STK32B: variants seen among roughly 807,000 people sequenced by gnomAD.
STK32B encodes the protein serine/threonine-protein kinase 32B.
STK32B carries 43 observed loss-of-function variants against 52.6 expected under a neutral mutation model. The observed-to-expected ratio is 0.82, with a 90% CI of 0.64 to 1.05. The LOEUF is 1.05. Ranked by LOEUF, STK32B falls within the 50% of genes least tolerant of loss-of-function variation. STK32B has a pLI of 0.00. For missense variants in STK32B, 621 were observed against 534.6 expected (o/e 1.16, Z -1.59); for synonymous variants, 238 against 204.3 (o/e 1.17, Z -1.41).
chr4:5,375,323 A>G (rs1309901968), intron 4 of STK32B, among the ~76,000 whole-genome samples: 1 of 152,136 alleles, frequency 6.6e-6, no homozygotes, highest in African/African-American at 2.4e-5. Flanking sequence ...ACACTGACCC[A>G]GGAACACACA....
In STK32B at chr4:5,446,650, TCTC is replaced by T. The variant is rs1560420493; in HGVS notation, c.563-20_563-18del. On this transcript the variant is annotated intron_variant, in intron 6 of 11. Coordinates refer to ENST00000282908, the MANE Select transcript of STK32B (RefSeq NM_018401.3). ...CATAAACTGGGATACACAATGATGT[TCTC>T]CTTGTCCTCTCGTTGGCAGCTCCAG... 1 of 1,600,564 alleles carries T rather than the reference TCTC, an allele frequency of 6.2e-7. No individual in the cohort carries two copies. Among genetic ancestry groups the T allele is most frequent in the African/African-American group, 1.3e-5 (1 of 74,554 alleles).
chr4:5,322,801 G>C (rs972728837), intron 3 of STK32B, among the ~76,000 whole-genome samples: 5 of 152,156 alleles, frequency 3.3e-5, no homozygotes, highest in African/African-American at 7.2e-5. Context: ...GGTAAGAGGA[G>C]GAGCTGAACC....
At chr4:5,352,825 C>T (rs1194347783) in intron 4 of STK32B, among the ~76,000 whole-genome samples, 3 of 151,950 alleles carry the variant, frequency 2.0e-5, no homozygotes, top group African/African-American at 7.3e-5. Flanking sequence ...GTTAAAATGA[C>T]CATACTACCC....
At chr4:5,406,546 A>T (rs984248957) in intron 5 of STK32B, among the ~76,000 whole-genome samples, 1 of 152,092 alleles carries the variant, frequency 6.6e-6, no homozygotes, top group Non-Finnish European at 1.5e-5. Flanking sequence ...AGACATTTCC[A>T]TACATTCTCT....
intron 1 of STK32B, among the ~76,000 whole-genome samples, chr4:5,091,584 A>T (rs1713083042): frequency 6.6e-6 from 1 of 152,212 alleles, no homozygotes; most frequent in South Asian, 2.1e-4. Context: ...ATTGGCGATA[A>T]TGTGGAAATA....
chr4:5,496,173 C>A (rs1006398018), intron 11 of STK32B, among the ~76,000 whole-genome samples: 1 of 152,200 alleles, frequency 6.6e-6, no homozygotes, highest in South Asian at 2.1e-4. Context: ...TGTGCCCTGC[C>A]CCCAGAGGTG....
intron 3 of STK32B, among the ~76,000 whole-genome samples, chr4:5,237,069 A>G (rs78308902): frequency 0.012 from 1,831 of 152,314 alleles, 38 homozygotes; most frequent in African/African-American, 0.042. Flanking sequence ...GAAGTGGGGC[A>G]CACGGAGAAA....
chr4:5,144,509 T>A (rs1307939613), intron 2 of STK32B, among the ~76,000 whole-genome samples: 1 of 152,138 alleles, frequency 6.6e-6, no homozygotes, highest in African/African-American at 2.4e-5. Context: ...ACAAATATGG[T>A]ACTGGGACAG....
intron 5 of STK32B, among the ~76,000 whole-genome samples, chr4:5,402,933 A>G (rs1391096214): frequency 6.6e-6 from 1 of 152,164 alleles, no homozygotes; most frequent in Non-Finnish European, 1.5e-5. Flanking sequence ...TTCCAGAGGT[A>G]CACACTCATT....
chr4:5,280,559 T>C (rs1020615766), intron 3 of STK32B, among the ~76,000 whole-genome samples: 2 of 152,126 alleles, frequency 1.3e-5, no homozygotes, highest in Admixed American at 1.3e-4. Flanking sequence ...CCCCACCTTT[T>C]TGGTACCAAT....
chr4:5,486,669 C>T lies in STK32B; in HGVS notation c.1107-12276C>T, dbSNP rs148325955. ...AAATGCAGAAATCACCTGTCTTCTG[C>T]GTCGCTCATGCTGGGAGCTGTAGAC... On this transcript the variant is annotated intron_variant, in intron 11 of 11. Transcript: ENST00000282908. Among the ~76,000 whole-genome samples the T allele has an allele frequency of 1.1e-4, 16 of 152,314 alleles. No individual in the cohort carries two copies. In the East Asian group the frequency reaches 1.5e-3, roughly 15 times the overall value.
intron 6 of STK32B, among the ~76,000 whole-genome samples, chr4:5,441,800 T>C (rs1714793875): frequency 7.0e-6 from 1 of 143,132 alleles, no homozygotes; most frequent in Non-Finnish European, 1.5e-5. Context: ...TCTGGTATGT[T>C]GTGTCTTTGT....
intron 3 of STK32B, among the ~76,000 whole-genome samples, chr4:5,241,859 G>A (rs147727144): frequency 6.6e-6 from 1 of 152,120 alleles, no homozygotes; most frequent in Admixed American, 6.5e-5. Flanking sequence ...AGTTTGCTGA[G>A]AATGACGGTT....
chr4:5,298,125 GC>G (rs1729322830), intron 3 of STK32B, among the ~76,000 whole-genome samples: 1 of 152,170 alleles, frequency 6.6e-6, no homozygotes, highest in Non-Finnish European at 1.5e-5. Context: ...CTGCAGAACA[GC>G]AAAGATTGCT....
In STK32B at chr4:5,248,354, T is replaced by C. The variant is rs554421029; in HGVS notation, c.260+79904T>C. Among the ~76,000 whole-genome samples the C allele has an allele frequency of 1.2e-3, 179 of 152,350 alleles. 3 individuals carry two copies. The highest frequency in any genetic ancestry group is 3.3e-3 in the South Asian group (16 of 4,832). ...CCCCAAGGATAGCTGTTTAGCTTTCTAGAGCTCATATGTTACAAAGAAAGG... is the reference window on the plus strand; with the variant it reads ...CCCCAAGGATAGCTGTTTAGCTTTCCAGAGCTCATATGTTACAAAGAAAGG... On this transcript the variant is annotated intron_variant, in intron 3 of 11. Transcript: ENST00000282908.
chr4:5,023,223 A>G, the STK32B span, among the ~76,000 whole-genome samples: 1 of 152,208 alleles, frequency 6.6e-6, no homozygotes, highest in East Asian at 1.9e-4. Flanking sequence ...TTGTAAGATC[A>G]TAAATTCGTG....
intron 3 of STK32B, among the ~76,000 whole-genome samples, chr4:5,296,611 C>T (rs1462344501): frequency 2.0e-5 from 3 of 152,094 alleles, no homozygotes; most frequent in Non-Finnish European, 2.9e-5. Flanking sequence ...TTTCCATTTG[C>T]TTGGTGAATA....
chr4:5,274,029 A>T (rs1013649017), intron 3 of STK32B, among the ~76,000 whole-genome samples: 14 of 152,162 alleles, frequency 9.2e-5, no homozygotes, highest in African/African-American at 3.4e-4. Flanking sequence ...AAACAAAAAA[A>T]AGACTCAATA....
intron 3 of STK32B, among the ~76,000 whole-genome samples, chr4:5,276,273 A>T (rs1483692077): frequency 6.6e-6 from 1 of 152,096 alleles, no homozygotes; most frequent in African/African-American, 2.4e-5. Flanking sequence ...TGGGCAACAG[A>T]GTGAGACTCC....
Sources: gnomAD v4.1 joint callset for allele counts (sites outside exome capture counted in the v4.1 genomes callset) on GRCh38, gnomAD v4.1.1 for gene constraint, MANE v1.5 for transcripts, NCBI Gene and HGNC (gene_info 2026-07-23, HGNC 2026-07-21) for gene names.